Variants in C12orf75 observed in about 807,000 individuals in gnomAD.
The protein encoded by C12orf75 is chromosome 12 open reading frame 75.
A neutral mutation model predicts 11.4 loss-of-function variants in C12orf75; 4 were observed. The observed-to-expected ratio is 0.35, with a 90% CI of 0.17 to 0.80. The LOEUF is 0.80. Ranked by LOEUF, C12orf75 falls within the 30% of genes least tolerant of loss-of-function variation. C12orf75 has a pLI of 0.52. For synonymous variants in C12orf75, 30 were observed against 30.0 expected (o/e 1.00, Z 0.00); for missense variants, 89 against 80.4 (o/e 1.11, Z -0.41).
intron 1 of C12orf75, among the ~76,000 whole-genome samples, chr12:105,343,728 T>G (rs926614078): frequency 3.3e-5 from 5 of 152,192 alleles, no homozygotes; most frequent in African/African-American, 1.2e-4. Context: ...CTTTTTTTTT[T>G]TCTTTTGGGA....
At chr12:105,330,969 G>A (rs1311331581) in intron 1 of C12orf75, 32 bp downstream of exon 1, 9 of 1,186,788 alleles carry the variant, frequency 7.6e-6, no homozygotes, top group Non-Finnish European at 8.4e-6. Flanking sequence ...GGCCGGCGGG[G>A]GCGGGCGGGA....
At chr12:105,355,984 A>G (rs1592882336) in intron 2 of C12orf75, among the ~76,000 whole-genome samples, 1 of 152,184 alleles carries the variant, frequency 6.6e-6, no homozygotes, top group South Asian at 2.1e-4. Flanking sequence ...CTCCAGTCAT[A>G]CACTCTGGAA....
intron 2 of C12orf75, among the ~76,000 whole-genome samples, chr12:105,361,530 C>T (rs1231205324): frequency 6.6e-6 from 1 of 152,176 alleles, no homozygotes; most frequent in African/African-American, 2.4e-5. Flanking sequence ...TGAGTCCCCC[C>T]ACCAGAAGGT....
intron 2 of C12orf75, among the ~76,000 whole-genome samples, chr12:105,361,240 G>A (rs1281713458): frequency 6.6e-6 from 1 of 151,950 alleles, no homozygotes; most frequent in Admixed American, 6.6e-5. Flanking sequence ...AGATCTTGCC[G>A]TGTTGCCCAG....
chr12:105,341,761 G>A (rs1892577132), intron 1 of C12orf75, among the ~76,000 whole-genome samples: 1 of 152,208 alleles, frequency 6.6e-6, no homozygotes, highest in African/African-American at 2.4e-5. Flanking sequence ...TGGTTTGGCT[G>A]TGTCTCCACC....
chr12:105,344,274 T>C (rs916375166), intron 1 of C12orf75, among the ~76,000 whole-genome samples: 2 of 152,118 alleles, frequency 1.3e-5, no homozygotes, highest in African/African-American at 4.8e-5. Context: ...TGAAACAAAG[T>C]GATTTAGTGA....
At chr12:105,349,161 C>T (rs11112488) in intron 2 of C12orf75, among the ~76,000 whole-genome samples, 25,626 of 152,206 alleles carry the variant, frequency 0.17, 2,617 homozygotes, top group Non-Finnish European at 0.23. Flanking sequence ...AGATCTGGAG[C>T]TCAGGAGCAT....
At chr12:105,346,820 G>A (rs1351001010) in intron 1 of C12orf75, among the ~76,000 whole-genome samples, 1 of 152,156 alleles carries the variant, frequency 6.6e-6, no homozygotes, top group Non-Finnish European at 1.5e-5. Flanking sequence ...TACTTACTTT[G>A]TAGCACATCT....
intron 2 of C12orf75, among the ~76,000 whole-genome samples, chr12:105,357,817 AGAGAGAGAGAGAG>A (rs1238702562): frequency 1.4e-4 from 12 of 87,420 alleles, no homozygotes; most frequent in Non-Finnish European, 3.0e-4. Context: ...TGAGAGAGAG[AGAGAGAGAGAGAG>A]GAGAGAGAGA....
intron 2 of C12orf75, chr12:105,353,512 T>TG (rs1347590431): frequency 9.9e-5 from 15 of 152,098 alleles, no homozygotes; most frequent in African/African-American, 3.6e-4. Context: ...CCTTACCATA[T>TG]GGCCAAAGAG....
chr12:105,364,429 ACT>A (rs760718965), intron 2 of C12orf75, among the ~76,000 whole-genome samples: 5 of 152,198 alleles, frequency 3.3e-5, no homozygotes, highest in Non-Finnish European at 7.3e-5. Flanking sequence ...TGGATTTTGC[ACT>A]CTCTTCCAGT....
At chr12:105,337,978 C>G (rs938014108) in intron 1 of C12orf75, among the ~76,000 whole-genome samples, 3 of 151,930 alleles carry the variant, frequency 2.0e-5, no homozygotes, top group Non-Finnish European at 4.4e-5. Context: ...AGAAAAAAAA[C>G]CTATGAAATT....
intron 2 of C12orf75, among the ~76,000 whole-genome samples, chr12:105,358,484 G>A (rs927682012): frequency 2.0e-5 from 3 of 152,124 alleles, no homozygotes; most frequent in African/African-American, 7.2e-5. Context: ...TTGTGCCACT[G>A]CTCTCCAGCC....
At chr12:105,346,762 G>GT (rs1450972560) in intron 1 of C12orf75, among the ~76,000 whole-genome samples, 2 of 152,138 alleles carry the variant, frequency 1.3e-5, no homozygotes, top group Non-Finnish European at 2.9e-5. Context: ...GAATATCATT[G>GT]TTTGATTGTT....
intron 2 of C12orf75, among the ~76,000 whole-genome samples, chr12:105,360,216 C>T (rs1025444570): frequency 6.6e-6 from 1 of 152,238 alleles, no homozygotes; most frequent in Admixed American, 6.5e-5. Flanking sequence ...TCTGCTCTCC[C>T]TCCCCATTTC....
chr12:105,345,833 A>T (rs1328847429), intron 1 of C12orf75, among the ~76,000 whole-genome samples: 5 of 144,364 alleles, frequency 3.5e-5, no homozygotes, highest in East Asian at 2.0e-4. Context: ...TAATTTTTGT[A>T]TTTTTTTTTT....
At chr12:105,360,689 T>C (rs1163052793) in intron 2 of C12orf75, among the ~76,000 whole-genome samples, 1 of 152,212 alleles carries the variant, frequency 6.6e-6, no homozygotes, top group African/African-American at 2.4e-5. Context: ...CCTTGCTCTT[T>C]CACCCAGGCT....
intron 5 of C12orf75, among the ~76,000 whole-genome samples, chr12:105,368,830 T>C (rs928361120): frequency 5.3e-5 from 8 of 152,190 alleles, no homozygotes; most frequent in African/African-American, 1.7e-4. Context: ...AGGCAACATT[T>C]TGGAGTTTTA....
chr12:105,369,108 A>G (rs1871561057), intron 5 of C12orf75, among the ~76,000 whole-genome samples: 1 of 152,258 alleles, frequency 6.6e-6, no homozygotes, highest in Non-Finnish European at 1.5e-5. Flanking sequence ...TGCTGTCTAC[A>G]TAGCTATCAG....
Sources: allele counts gnomAD v4.1 joint callset (sites outside exome capture counted in the v4.1 genomes callset), GRCh38; gene constraint gnomAD v4.1.1; transcripts MANE v1.5; gene names NCBI Gene and HGNC (gene_info 2026-07-23, HGNC 2026-07-21).